Variants in VEPH1 observed in about 807,000 individuals in gnomAD.
VEPH1 encodes ventricular zone-expressed PH domain-containing protein homolog 1.
Under a neutral mutation model 85.2 loss-of-function variants are expected in VEPH1, and 80 were observed. The ratio of observed to expected loss-of-function variants is 0.94; its 90% CI spans 0.78 to 1.13. The LOEUF is 1.13. Among genes scored for constraint, VEPH1 ranks in the 50% most tolerant of loss-of-function variants. VEPH1 has a pLI of 0.00. For missense variants in VEPH1, 955 were observed against 980.5 expected (o/e 0.97, Z 0.35); for synonymous variants, 297 against 348.0 (o/e 0.85, Z 1.63).
intron 9 of VEPH1, among the ~76,000 whole-genome samples, chr3:157,342,546 A>G (rs1487628781): frequency 7.9e-5 from 12 of 152,232 alleles, no homozygotes; most frequent in African/African-American, 2.7e-4. Flanking sequence ...AGTGACCTAC[A>G]AATAGACTTA....
At chr3:157,498,559 G>T (rs904986775) in intron 1 of VEPH1, among the ~76,000 whole-genome samples, 30 of 152,200 alleles carry the variant, frequency 2.0e-4, no homozygotes, top group African/African-American at 7.0e-4. Flanking sequence ...AGTCAGGATT[G>T]AAGGCAGCTG....
In VEPH1 at chr3:157,437,518, C is replaced by T. The variant is rs749476083; in HGVS notation, c.530-9030G>A. On this transcript the variant is annotated intron_variant, in intron 4 of 13. Coordinates refer to ENST00000362010, the MANE Select transcript of VEPH1 (RefSeq NM_001167912.2). ...GTGTGTATCCCGTACTCTAGCCACG[C>T]CGTGCGCCTGCGGTCAGGAGCACTC... 3.1e-6 allele frequency: 5 copies of T among 1,605,124 alleles called. No individual in the cohort carries two copies. The South Asian group carries it at 5.6e-5, about 18-fold the overall frequency.
intron 9 of VEPH1, among the ~76,000 whole-genome samples, chr3:157,318,126 G>GA (rs1000524206): frequency 1.5e-4 from 23 of 152,126 alleles, no homozygotes; most frequent in Non-Finnish European, 2.9e-4. Flanking sequence ...CAGAGATCCA[G>GA]AAAAAATGGC....
At chr3:157,346,592 A>G (rs1724248147) in intron 9 of VEPH1, among the ~76,000 whole-genome samples, 3 of 150,240 alleles carry the variant, frequency 2.0e-5, no homozygotes, top group Admixed American at 6.6e-5. Flanking sequence ...ATGTCCTCAT[A>G]TTTTAGTGCC....
At chr3:157,483,425 A>G (rs1451650517) in intron 2 of VEPH1, among the ~76,000 whole-genome samples, 1 of 152,196 alleles carries the variant, frequency 6.6e-6, no homozygotes, top group Non-Finnish European at 1.5e-5. Context: ...ATGTAAGCAG[A>G]TTAAACACAG....
intron 9 of VEPH1, among the ~76,000 whole-genome samples, chr3:157,334,106 G>A (rs906889225): frequency 6.6e-6 from 1 of 152,142 alleles, no homozygotes; most frequent in Non-Finnish European, 1.5e-5. Flanking sequence ...ACTCATTGAC[G>A]CTCCTGTTAG....
At chr3:157,351,072 G>T (rs1267857632) in intron 9 of VEPH1, among the ~76,000 whole-genome samples, 1 of 152,138 alleles carries the variant, frequency 6.6e-6, no homozygotes, top group Admixed American at 6.5e-5. Flanking sequence ...GCGCCCCCAT[G>T]CTTATTGCAG....
At chr3:157,460,496 T>C in intron 3 of VEPH1, 141 bp from the exon 4 acceptor site, 1 of 1,144,846 alleles carries the variant, frequency 8.7e-7, no homozygotes, top group South Asian at 1.7e-5. Flanking sequence ...GTTTATATTG[T>C]ATTTGGGAAT....
intron 9 of VEPH1, among the ~76,000 whole-genome samples, chr3:157,345,746 C>T (rs1724142626): frequency 6.6e-6 from 1 of 152,166 alleles, no homozygotes; most frequent in East Asian, 1.9e-4. Context: ...TTCATTGCGG[C>T]ACTATTCACA....
intron 10 of VEPH1, among the ~76,000 whole-genome samples, chr3:157,315,502 A>G (rs1566521): frequency 0.47 from 71,578 of 151,842 alleles, 18,563 homozygotes; most frequent in Admixed American, 0.61. Context: ...TTATAAATAT[A>G]TGTAGTTGAC....
At chr3:157,340,772 C>T (rs1019277323) in intron 9 of VEPH1, among the ~76,000 whole-genome samples, 2 of 152,184 alleles carry the variant, frequency 1.3e-5, no homozygotes, top group African/African-American at 4.8e-5. Context: ...GAAGGCACCC[C>T]CCAGTAGGGG....
At chr3:157,437,670 G>A (rs1212342836) in intron 4 of VEPH1, 2 of 1,538,554 alleles carry the variant, frequency 1.3e-6, no homozygotes, top group African/African-American at 1.4e-5. Flanking sequence ...GCCGGCTCGC[G>A]GAAAGCCTGG....
At chr3:157,386,884 T>C (rs777171701) in intron 6 of VEPH1, among the ~76,000 whole-genome samples, 2 of 152,222 alleles carry the variant, frequency 1.3e-5, no homozygotes, top group Non-Finnish European at 2.9e-5. Context: ...AAATGGTAAA[T>C]AATGTCTTAG....
chr3:157,481,560 A>G, intron 2 of VEPH1, among the ~76,000 whole-genome samples: 1 of 151,874 alleles, frequency 6.6e-6, no homozygotes, highest in East Asian at 1.9e-4. Context: ...AGTCTATAGT[A>G]ACTAAAACAG....
chr3:157,295,015 C>A (rs1452547308), intron 11 of VEPH1, among the ~76,000 whole-genome samples: 1 of 152,072 alleles, frequency 6.6e-6, no homozygotes, highest in African/African-American at 2.4e-5. Context: ...TCCCAATGAG[C>A]AAAGATTTTT....
At chr3:157,398,495 A>T (rs1426994686) in intron 6 of VEPH1, among the ~76,000 whole-genome samples, 1 of 152,086 alleles carries the variant, frequency 6.6e-6, no homozygotes, top group Non-Finnish European at 1.5e-5. Context: ...TTAGCTGGGC[A>T]TGGTGGTGCG....
chr3:157,363,247 AT>A (rs1213244920), intron 9 of VEPH1, 116 bp downstream of exon 9: 95 of 1,032,612 alleles, frequency 9.2e-5, no homozygotes, highest in Admixed American at 7.7e-5. Context: ...TTTAAAAAAA[AT>A]GATCTATTTT....
chr3:157,470,389 G>T lies in VEPH1; in HGVS notation c.279C>A (p.Asn93Lys). Residue 93 changes from asparagine (N) to lysine (K), a missense_variant, in exon 3 of 14, where the codon AAC (asparagine) becomes AAA (lysine). By Grantham distance (94) the Asn-to-Lys change is moderately conservative (BLOSUM62 0). Coordinates refer to ENST00000362010, the MANE Select transcript of VEPH1 (RefSeq NM_001167912.2). ...VGLWDSCLEH[N>K]LRPFGKDEDT... is the part of the protein sequence containing the mutation. ...CTTCGTCTTTCCCAAAGGGTCTCAG[G>T]TTATGTTCCAAGCAGGAGTCCCAGA... 1 of 1,614,062 alleles carries T rather than the reference G, an allele frequency of 6.2e-7. No individual in the cohort carries two copies.
chr3:157,408,172 C>A (rs1485377637), intron 6 of VEPH1, among the ~76,000 whole-genome samples: 1 of 152,110 alleles, frequency 6.6e-6, no homozygotes, highest in Non-Finnish European at 1.5e-5. Context: ...ATATGAAAAT[C>A]TCTTTATAAT....
Sources: gnomAD v4.1 joint callset for allele counts (sites outside exome capture counted in the v4.1 genomes callset) on GRCh38, gnomAD v4.1.1 for gene constraint, MANE v1.5 for transcripts, NCBI Gene and HGNC (gene_info 2026-07-23, HGNC 2026-07-21) for gene names.